ELP4: variants seen among roughly 807,000 people sequenced by gnomAD.
ELP4 encodes elongator complex protein 4.
A neutral mutation model predicts 48.9 loss-of-function variants in ELP4; 51 were observed. The observed-to-expected ratio is 1.04, with a 90% CI of 0.83 to 1.32. The LOEUF (loss-of-function observed/expected upper bound fraction) is 1.32, where lower values mean the gene tolerates loss of function less well. Ranked by LOEUF, ELP4 falls within the 40% of genes most tolerant of loss-of-function variation. The pLI is 0.00. For synonymous variants in ELP4, 210 were observed against 189.2 expected (o/e 1.11, Z -0.90); for missense variants, 519 against 514.6 (o/e 1.01, Z -0.08).
In ELP4 at chr11:31,678,523, GTGTGTGTGTGTGTGTGTGTA is replaced by G. The variant is rs1409400721; in HGVS notation, c.1143+28304_1143+28323del. Among the ~76,000 whole-genome samples, 416 of 137,562 alleles carry G rather than the reference GTGTGTGTGTGTGTGTGTGTA, an allele frequency of 3.0e-3. 3 individuals are homozygous for G. Among genetic ancestry groups the G allele is most frequent in the African/African-American group, 0.011 (373 of 33,436 alleles). 90.2% of individuals were successfully genotyped at this position (137,562 alleles called of 152,430 possible). A position where few individuals can be genotyped will look rare whatever the true frequency, so the allele number is the denominator to read the frequency against. The stretch of plus-strand genomic sequence containing the variant: ...TGTGTGTGTGTGTGTGTGTGTGTGT[GTGTGTGTGTGTGTGTGTGTA>G]TATGTGCATTTTATGTTCTCCTATG... On this transcript the variant is annotated intron_variant, in intron 9 of 9. Transcript: ENST00000640961.
chr11:31,771,783 T>C (rs1948148217), intron 9 of ELP4, among the ~76,000 whole-genome samples: 1 of 152,146 alleles, frequency 6.6e-6, no homozygotes, highest in Non-Finnish European at 1.5e-5. Flanking sequence ...ATCAAGACCA[T>C]CCTGGCTAAC....
intron 1 of ELP4, 64 bp from the exon 2 acceptor site, chr11:31,519,988 CCTAA>C (rs1956186682): frequency 1.7e-5 from 25 of 1,503,206 alleles, no homozygotes; most frequent in Non-Finnish European, 2.3e-5. Flanking sequence ...CTTCATAAAG[CCTAA>C]CTTTTATGCT....
intron 5 of ELP4, among the ~76,000 whole-genome samples, chr11:31,608,506 T>G (rs1275118502): frequency 6.6e-6 from 1 of 151,570 alleles, no homozygotes; most frequent in African/African-American, 2.4e-5. Flanking sequence ...TAACTGTATT[T>G]TGATGGGGTC....
chr11:31,730,347 G>A (rs905638134), intron 9 of ELP4, among the ~76,000 whole-genome samples: 1 of 152,124 alleles, frequency 6.6e-6, no homozygotes, highest in East Asian at 1.9e-4. Flanking sequence ...AGGAGCAGAA[G>A]AGCAAGAACA....
intron 1 of ELP4, among the ~76,000 whole-genome samples, chr11:31,517,300 C>A (rs1213036120): frequency 6.6e-6 from 1 of 151,780 alleles, no homozygotes; most frequent in African/African-American, 2.4e-5. Context: ...TCTCCTGCCT[C>A]AGCTCCCCCG....
chr11:31,609,597 A>G (rs1957937995), intron 5 of ELP4, among the ~76,000 whole-genome samples: 1 of 152,100 alleles, frequency 6.6e-6, no homozygotes, highest in East Asian at 1.9e-4. Context: ...TGAGACAAGT[A>G]GTCATATGGT....
At chr11:31,594,565 T>C (rs901413004) in intron 3 of ELP4, among the ~76,000 whole-genome samples, 6 of 152,158 alleles carry the variant, frequency 3.9e-5, no homozygotes, top group African/African-American at 1.4e-4. Context: ...TTCCAGTTTA[T>C]TGCTAAAAAG....
At chr11:31,542,387 G>A (rs1466675924) in intron 3 of ELP4, among the ~76,000 whole-genome samples, 6 of 152,200 alleles carry the variant, frequency 3.9e-5, no homozygotes, top group African/African-American at 1.4e-4. Flanking sequence ...TCTCCCTCTA[G>A]TCTTCAGATG....
At chr11:31,560,727 T>C (rs1319656031) in intron 3 of ELP4, among the ~76,000 whole-genome samples, 1 of 150,532 alleles carries the variant, frequency 6.6e-6, no homozygotes, top group Non-Finnish European at 1.5e-5. Context: ...TATATATATA[T>C]AAAACAACAT....
chr11:31,510,882 G>A (rs1300244751), intron 1 of ELP4: 3 of 152,496 alleles, frequency 2.0e-5, no homozygotes, highest in African/African-American at 7.2e-5. Flanking sequence ...TCTGAATGCT[G>A]TTTCATTAAA....
intron 2 of ELP4, among the ~76,000 whole-genome samples, chr11:31,535,141 A>G (rs1219531037): frequency 1.3e-5 from 2 of 152,218 alleles, no homozygotes; most frequent in African/African-American, 4.8e-5. Flanking sequence ...AGAACTAGCT[A>G]TGTGTTTTAA....
chr11:31,581,878 G>C (rs1262725884), intron 3 of ELP4, among the ~76,000 whole-genome samples: 1 of 151,454 alleles, frequency 6.6e-6, no homozygotes, highest in Non-Finnish European at 1.5e-5. Flanking sequence ...TCTGCCTTCC[G>C]AGTAGCTGGG....
intron 3 of ELP4, among the ~76,000 whole-genome samples, chr11:31,555,384 A>G (rs1956914379): frequency 1.3e-5 from 2 of 152,086 alleles, no homozygotes; most frequent in African/African-American, 4.8e-5. Flanking sequence ...TTTTGGACTT[A>G]ATACAGTCAT....
chr11:31,630,738 A>G (rs1449281600), intron 6 of ELP4, among the ~76,000 whole-genome samples: 1 of 152,066 alleles, frequency 6.6e-6, no homozygotes, highest in Non-Finnish European at 1.5e-5. Flanking sequence ...CCAGCAGTTC[A>G]AGGTCAGCCT....
rs1391056929 is a variant in ELP4, at chr11:31,786,319, T to C, written c.*2795T>C. ...TATTAATGTCATTTCTAAGACAGCA[T>C]GTTACTGCTTTCCAAAGATAGTCAC... On this transcript the variant is annotated 3_prime_UTR_variant, in exon 10 of 10. Transcript: ENST00000640961. 4.8e-6 allele frequency: 1 copy of C among 210,482 alleles called. No individual in the cohort carries two copies. Among genetic ancestry groups the C allele is most frequent in the Non-Finnish European group, 9.7e-6 (1 of 103,538 alleles). The allele number at this position is 210,482 out of a possible 1,614,324, so 13.0% of individuals were successfully genotyped here.
intron 9 of ELP4, chr11:31,662,945 C>G (rs1019945153): frequency 5.7e-6 from 1 of 176,754 alleles, no homozygotes; most frequent in Non-Finnish European, 1.2e-5. Context: ...GTGGAACTCA[C>G]TTTCTTAGGG....
intron 3 of ELP4, among the ~76,000 whole-genome samples, chr11:31,544,278 A>T (rs1452196118): frequency 6.6e-6 from 1 of 152,246 alleles, no homozygotes; most frequent in Non-Finnish European, 1.5e-5. Flanking sequence ...GCACCTGGAA[A>T]ATCGGGTCAC....
intron 9 of ELP4, among the ~76,000 whole-genome samples, chr11:31,659,928 GT>G (rs1056737658): frequency 6.6e-6 from 1 of 152,094 alleles, no homozygotes; most frequent in Non-Finnish European, 1.5e-5. Flanking sequence ...GGAGGTGGAG[GT>G]TGCAGTGAGC....
rs985305296 is a variant in ELP4, at chr11:31,787,515, A to G, written c.*3991A>G. 1 of 232,946 alleles carries G rather than the reference A, an allele frequency of 4.3e-6. No homozygotes were observed. Among genetic ancestry groups the G allele is most frequent in the Non-Finnish European group, 8.5e-6 (1 of 117,888 alleles). 14.4% of individuals were successfully genotyped at this position (232,946 alleles called of 1,614,324 possible). A position where few individuals can be genotyped will look rare whatever the true frequency, so the allele number is the denominator to read the frequency against. ...GCAGCTGTGGCATGCACTCCCACAT[A>G]GCCCTTCTCTGACAGTTCCCTCAGC... On this transcript the variant is annotated 3_prime_UTR_variant, in exon 10 of 10. Transcript: ENST00000640961.
Sources: gnomAD v4.1 joint callset for allele counts (sites outside exome capture counted in the v4.1 genomes callset) on GRCh38, gnomAD v4.1.1 for gene constraint, MANE v1.5 for transcripts, NCBI Gene and HGNC (gene_info 2026-07-23, HGNC 2026-07-21) for gene names.